ACSM2A: variants seen among roughly 807,000 people sequenced by gnomAD.
ACSM2A encodes the protein acyl-CoA synthetase medium chain family member 2A, also known as acyl-coenzyme A synthetase ACSM2A, mitochondrial.
In ACSM2A, 72 loss-of-function variants were observed where a neutral mutation model predicts 76.6. That is an observed-to-expected ratio of 0.94 (90% CI 0.78 to 1.14). The LOEUF (loss-of-function observed/expected upper bound fraction) is 1.14. Among genes scored for constraint, ACSM2A ranks in the 50% most tolerant of loss-of-function variants. ACSM2A has a pLI of 0.00. For synonymous variants in ACSM2A, 249 were observed against 255.9 expected (o/e 0.97, Z 0.26); for missense variants, 684 against 708.5 (o/e 0.97, Z 0.39).
At chr16:20,466,596 G>C (rs1325348990) in intron 3 of ACSM2A, among the ~76,000 whole-genome samples, 1 of 152,204 alleles carries the variant, frequency 6.6e-6, no homozygotes, top group African/African-American at 2.4e-5. Context: ...GGCTTCCAAG[G>C]GGCTAAGGAA....
chr16:20,467,643 T>C (rs2013093530), intron 3 of ACSM2A, among the ~76,000 whole-genome samples: 1 of 152,074 alleles, frequency 6.6e-6, no homozygotes, highest in Non-Finnish European at 1.5e-5. Flanking sequence ...AGTGGGTGGA[T>C]GGTGCTTTCT....
intron 2 of ACSM2A, among the ~76,000 whole-genome samples, chr16:20,463,075 C>T (rs946157190): frequency 3.1e-4 from 34 of 109,100 alleles, no homozygotes; most frequent in Admixed American, 1.2e-3. Flanking sequence ...CACACTGGGC[C>T]TGTTATGGGG....
intron 2 of ACSM2A, among the ~76,000 whole-genome samples, chr16:20,461,370 T>G (rs2012613665): frequency 6.6e-6 from 1 of 152,182 alleles, no homozygotes; most frequent in Non-Finnish European, 1.5e-5. Context: ...TTTTTTAAAG[T>G]TATACTTCCT....
In ACSM2A at chr16:20,472,848, A is replaced by G. The variant is rs142336949; in HGVS notation, c.894+1159A>G. 3.2e-3 allele frequency among the ~76,000 whole-genome samples: 488 copies of G among 152,302 alleles called. 8 individuals carry two copies. The highest frequency in any genetic ancestry group is 0.011 in the African/African-American group (471 of 41,568). On this transcript the variant is annotated intron_variant, in intron 6 of 13. Transcript: ENST00000573854. ...TTAGCTGGCTGCAAAGTATTTCATT[A>G]TGTGAATCTGTAAAAATGTTCCCCC... is the stretch of plus-strand genomic sequence containing the variant.
chr16:20,485,397 T>G (rs2014329634), intron 13 of ACSM2A, among the ~76,000 whole-genome samples: 1 of 152,110 alleles, frequency 6.6e-6, no homozygotes, highest in African/African-American at 2.4e-5. Context: ...CCTTTCTACT[T>G]CTCTCTTCAT....
At position 20,480,673 on chromosome 16, in the gene ACSM2A, G is replaced by A. The variant is rs747273688; in HGVS notation, c.1382G>A (p.Arg461Gln). ...DEDGYFQFMGRANDIINSSGY... is the reference protein window; with the variant it reads ...DEDGYFQFMGQANDIINSSGY... Reference sequence around the variant, plus strand: ...GATGGGTATTTCCAGTTTATGGGACGGGCAAATGATATCATTAACTCCAGC... The same window carrying A: ...GATGGGTATTTCCAGTTTATGGGACAGGCAAATGATATCATTAACTCCAGC... Residue 461 changes from arginine to glutamine, a missense_variant, in exon 11 of 14, where the codon CGG (arginine) becomes CAG (glutamine). By Grantham distance (43) the Arg-to-Gln change is conservative. Transcript: ENST00000573854. 20 of 903,104 alleles carry A rather than the reference G, an allele frequency of 2.2e-5. No homozygotes were observed. Among genetic ancestry groups the A allele is most frequent in the South Asian group, 3.2e-5 (2 of 61,560 alleles). The allele number at this position is 903,104 out of a possible 1,614,324, so 55.9% of individuals were successfully genotyped here.
chr16:20,477,259 G>T lies in ACSM2A; in HGVS notation c.1099-110G>T, dbSNP rs2013800505. The stretch of plus-strand genomic sequence containing the variant: ...TGAGGAGCAGGGGGAGCCACCAAGT[G>T]CAGGCCAAGTTCAGGACAGTGTCAG... On this transcript the variant is annotated intron_variant, in intron 8 of 13. Coordinates refer to ENST00000573854, the MANE Select transcript of ACSM2A (RefSeq NM_001308172.2). 11 of 1,437,968 alleles carry T rather than the reference G, an allele frequency of 7.6e-6. No homozygotes were observed. The South Asian group carries it at 1.8e-4, about 23-fold the overall frequency. The allele number at this position is 1,437,968 out of a possible 1,614,324, so 89.1% of individuals were successfully genotyped here. A position where few individuals can be genotyped will look rare whatever the true frequency, so the allele number is the denominator to read the frequency against.
At chr16:20,466,347 G>A (rs539470958) in intron 3 of ACSM2A, among the ~76,000 whole-genome samples, 277 of 152,278 alleles carry the variant, frequency 1.8e-3, no homozygotes, top group Non-Finnish European at 3.5e-3. Context: ...AGGATGAGTA[G>A]GATTTTGCCA....
At chr16:20,469,983 G>T (rs936932323) in intron 4 of ACSM2A, among the ~76,000 whole-genome samples, 1 of 149,800 alleles carries the variant, frequency 6.7e-6, no homozygotes, top group Non-Finnish European at 1.5e-5. Flanking sequence ...GTCCTCTAAA[G>T]GATTGAAAAG....
chr16:20,480,484 T>G (rs937368010), intron 10 of ACSM2A, 89 bp from the exon 11 acceptor site: 21 of 1,531,512 alleles, frequency 1.4e-5, no homozygotes, highest in Non-Finnish European at 1.8e-5. Flanking sequence ...GCAGTTTTAA[T>G]AAGACTCATA....
chr16:20,471,311 G>C, intron 5 of ACSM2A, 95 bp downstream of exon 5: 1 of 1,534,028 alleles, frequency 6.5e-7, no homozygotes, highest in Non-Finnish European at 8.8e-7. Context: ...GGTCAACCGG[G>C]GTCCCACCTT....
chr16:20,471,692 A>T lies in ACSM2A; in HGVS notation c.894+3A>T, dbSNP rs758614880. 6.2e-7 allele frequency: 1 copy of T among 1,606,124 alleles called. No individual in the cohort carries two copies. On this transcript the variant is annotated splice_donor_region_variant and intron_variant, in intron 6 of 13. Coordinates refer to ENST00000573854, the MANE Select transcript of ACSM2A (RefSeq NM_001308172.2). The stretch of plus-strand genomic sequence containing the variant: ...TTGACCCACTGGTTATTCTAAAGGT[A>T]AGAGAGGATCCAGTTTGCAGCAGTT...
chr16:20,474,165 G>A, intron 6 of ACSM2A: 1 of 377,336 alleles, frequency 2.7e-6, no homozygotes, highest in Non-Finnish European at 5.1e-6. Flanking sequence ...GACATCCTGA[G>A]GGCTCTGTCA....
rs1156243704 is a variant in ACSM2A at position 20,486,639 on chromosome 16, C to T, written c.1695C>T (p.Asp565=). Residue 565 remains aspartate (D), a synonymous_variant, in exon 14 of 14, where the codon GAC becomes GAT. Coordinates refer to ENST00000573854, the MANE Select transcript of ACSM2A (RefSeq NM_001308172.2). ...AAATTCAACGAGCCAAGCTTCGAGACAAGGAGTGGAAGATGTCCGGAAAAG... is the reference window on the plus strand; with the variant it reads ...AAATTCAACGAGCCAAGCTTCGAGATAAGGAGTGGAAGATGTCCGGAAAAG... ...TGKIQRAKLR[D]KEWKMSGKAR... is the part of the protein sequence containing the mutation. 6.2e-6 allele frequency: 10 copies of T among 1,614,182 alleles called. No individual in the cohort carries two copies. Among genetic ancestry groups the T allele is most frequent in the East Asian group, 2.2e-5 (1 of 44,888 alleles).
intron 8 of ACSM2A, chr16:20,476,267 C>G (rs1207636779): frequency 7.0e-5 from 69 of 988,750 alleles, no homozygotes; most frequent in Non-Finnish European, 7.6e-5. Flanking sequence ...CTCTTGAGGT[C>G]TCATGTGCAC....
intron 3 of ACSM2A, among the ~76,000 whole-genome samples, chr16:20,467,649 T>C (rs2013093984): frequency 6.6e-6 from 1 of 152,154 alleles, no homozygotes; most frequent in African/African-American, 2.4e-5. Flanking sequence ...TGGATGGTGC[T>C]TTCTTTCACT....
At chr16:20,476,237 C>T (rs1055819588) in intron 8 of ACSM2A, 1 of 996,026 alleles carries the variant, frequency 1.0e-6, no homozygotes, top group Non-Finnish European at 1.2e-6. Context: ...TACTGCACCT[C>T]CTGACATATC....
chr16:20,481,442 A>G (rs1405432260), intron 12 of ACSM2A: 1 of 155,516 alleles, frequency 6.4e-6, no homozygotes, highest in Non-Finnish European at 1.4e-5. Context: ...ACTGGAGGTC[A>G]TTATGTTAAC....
At chr16:20,485,775 T>C (rs1184183944) in intron 13 of ACSM2A, among the ~76,000 whole-genome samples, 1 of 152,194 alleles carries the variant, frequency 6.6e-6, no homozygotes, top group African/African-American at 2.4e-5. Flanking sequence ...CATCTCAGTA[T>C]CCCTATTATT....
Sources: gnomAD v4.1 joint callset for allele counts (sites outside exome capture counted in the v4.1 genomes callset) on GRCh38, gnomAD v4.1.1 for gene constraint, MANE v1.5 for transcripts, NCBI Gene and HGNC (gene_info 2026-07-23, HGNC 2026-07-21) for gene names.